The following CSMD1 variants were observed in gnomAD, a reference collection of about 807,000 sequenced individuals.
CSMD1 encodes the protein CUB and sushi domain-containing protein 1.
In CSMD1, 213 loss-of-function variants were observed where a neutral mutation model predicts 417.5. The ratio of observed to expected loss-of-function variants is 0.51; its 90% CI spans 0.46 to 0.57. The LOEUF (loss-of-function observed/expected upper bound fraction) is 0.57. Among genes scored for constraint, CSMD1 ranks in the 20% least tolerant of loss-of-function variants. The pLI, the probability that CSMD1 is intolerant of heterozygous loss-of-function variation, is 0.00. For synonymous variants in CSMD1, 2,862 were observed against 1,736.8 expected, an observed-to-expected ratio of 1.65 and a Z score of -16.11; for missense variants, 6,923 against 4,529.7, an observed-to-expected ratio of 1.53 and a Z score of -15.17.
At chr8:3,747,416 A>ATT (rs33946651) in intron 6 of CSMD1, among the ~76,000 whole-genome samples, 43 of 150,642 alleles carry the variant, frequency 2.9e-4, no homozygotes, top group East Asian at 1.4e-3. Context: ...TAGACACAGT[A>ATT]TTTTTTTTTT....
chr8:3,634,242 G>A (rs964894162), intron 7 of CSMD1, among the ~76,000 whole-genome samples: 1 of 152,180 alleles, frequency 6.6e-6, no homozygotes, highest in African/African-American at 2.4e-5. Flanking sequence ...TAATGGTGGG[G>A]GCCTTTGGCC....
At chr8:4,413,644 C>G (rs1563147742) in intron 3 of CSMD1, among the ~76,000 whole-genome samples, 1 of 152,154 alleles carries the variant, frequency 6.6e-6, no homozygotes, top group Non-Finnish European at 1.5e-5. Flanking sequence ...GCACTGTTGA[C>G]TATACACGCA....
At chr8:4,204,467 G>T (rs541132757) in intron 3 of CSMD1, among the ~76,000 whole-genome samples, 1 of 152,062 alleles carries the variant, frequency 6.6e-6, no homozygotes, top group Non-Finnish European at 1.5e-5. Context: ...CTGAGATTTT[G>T]TCAGCACTTT....
At chr8:4,351,107 C>T (rs1801066604) in intron 3 of CSMD1, among the ~76,000 whole-genome samples, 1 of 151,782 alleles carries the variant, frequency 6.6e-6, no homozygotes. Context: ...TCGCCTGAGC[C>T]CAGGGGTTCG....
In CSMD1 at chr8:3,955,724, A is replaced by G. The variant is rs577521583; in HGVS notation, c.818+42179T>C. Among the ~76,000 whole-genome samples, 8 of 146,292 alleles carry G rather than the reference A, an allele frequency of 5.5e-5. No individual in the cohort carries two copies. In the East Asian group the frequency reaches 1.7e-3, roughly 30 times the overall value. On this transcript the variant is annotated intron_variant, in intron 5 of 69. Transcript: ENST00000635120. ...ACGTGGACACAAAGATTCTTCGAGA[A>G]CTGCCTCAAGTAAGAAAAAAACAGG...
intron 27 of CSMD1, among the ~76,000 whole-genome samples, chr8:3,229,633 GA>G (rs964269120): frequency 6.6e-6 from 1 of 152,048 alleles, no homozygotes; most frequent in Admixed American, 6.6e-5. Flanking sequence ...ATCATAGGGG[GA>G]AAAACATCTA....
intron 1 of CSMD1, among the ~76,000 whole-genome samples, chr8:4,925,069 T>C (rs962315214): frequency 2.2e-4 from 33 of 152,172 alleles, no homozygotes; most frequent in Non-Finnish European, 1.2e-4. Flanking sequence ...TTTGGGTTGT[T>C]ATCAAGCATA....
At chr8:3,615,416 C>T (rs1446702300) in intron 8 of CSMD1, among the ~76,000 whole-genome samples, 1 of 152,142 alleles carries the variant, frequency 6.6e-6, no homozygotes, top group Non-Finnish European at 1.5e-5. Context: ...TCCAATAAAT[C>T]ACTTCAATAA....
intron 7 of CSMD1, among the ~76,000 whole-genome samples, chr8:3,670,784 A>T (rs1293936711): frequency 6.6e-6 from 1 of 150,776 alleles, no homozygotes; most frequent in African/African-American, 2.4e-5. Flanking sequence ...AGTATACGGG[A>T]TATACATGTA....
At chr8:4,115,867 G>A (rs1381085801) in intron 3 of CSMD1, among the ~76,000 whole-genome samples, 1 of 152,132 alleles carries the variant, frequency 6.6e-6, no homozygotes, top group Non-Finnish European at 1.5e-5. Context: ...CCAATCATAT[G>A]ACATTCTGGG....
chr8:3,983,868 C>A (rs1034954815), intron 5 of CSMD1, among the ~76,000 whole-genome samples: 2 of 151,364 alleles, frequency 1.3e-5, no homozygotes, highest in African/African-American at 4.9e-5. Flanking sequence ...CTAGAGCACA[C>A]AGCAGATCTA....
At chr8:3,701,613 C>G (rs1342451502) in intron 7 of CSMD1, among the ~76,000 whole-genome samples, 1 of 151,772 alleles carries the variant, frequency 6.6e-6, no homozygotes, top group African/African-American at 2.4e-5. Context: ...ACAACTAAAA[C>G]TACGAATATT....
At position 4,947,470 on chromosome 8, in the gene CSMD1, G is replaced by A. The variant is rs370902520; in HGVS notation, c.85+46862C>T. 2.6e-4 allele frequency among the ~76,000 whole-genome samples: 40 copies of A among 152,128 alleles called. No homozygotes were observed. In the East Asian group the frequency reaches 6.9e-3, roughly 26 times the overall value. ...CAATATTTGACTTGTCATCTGTCCA[G>A]ATCATCAACAATGAGAAAATGAGAA... On this transcript the variant is annotated intron_variant, in intron 1 of 69. Transcript: ENST00000635120.
At chr8:3,854,328 G>C (rs1282521627) in intron 5 of CSMD1, among the ~76,000 whole-genome samples, 3 of 151,564 alleles carry the variant, frequency 2.0e-5, no homozygotes, top group African/African-American at 7.3e-5. Flanking sequence ...TTTTTATTTT[G>C]TAGTCTTTTT....
chr8:3,964,518 C>G (rs568198464), intron 5 of CSMD1, among the ~76,000 whole-genome samples: 6 of 152,282 alleles, frequency 3.9e-5, no homozygotes, highest in Non-Finnish European at 7.3e-5. Context: ...ACTCCAAGCT[C>G]TCATAGGAAG....
At chr8:4,369,560 T>C (rs951316400) in intron 3 of CSMD1, among the ~76,000 whole-genome samples, 38 of 152,334 alleles carry the variant, frequency 2.5e-4, no homozygotes, top group African/African-American at 8.4e-4. Context: ...CCCAGTATTA[T>C]TGAGTGGTTG....
chr8:4,098,412 T>TC (rs1801136350), intron 3 of CSMD1, among the ~76,000 whole-genome samples: 1 of 149,872 alleles, frequency 6.7e-6, no homozygotes, highest in African/African-American at 2.5e-5. Flanking sequence ...GTCATTTTTT[T>TC]CAGGGTCATG....
rs752350985 is a variant in CSMD1, at chr8:3,108,607, G to A, written c.6750C>T (p.Phe2250=). ...ACGGAGTGAAAATCAACTGACCGTG[G>A]AAATTGAGGACAAAGAAGCCTCCAT... ...FSNGGFFVLN[F]HAFQLKKCQP... is the part of the protein sequence containing the mutation. The change falls in exon 44 of 70, where the codon TTC becomes TTT. Residue 2250 remains phenylalanine, a synonymous_variant. Transcript: ENST00000635120. The A allele has an allele frequency of 4.3e-6, 7 of 1,613,672 alleles. No individual in the cohort carries two copies. The South Asian group carries it at 4.4e-5, about 10-fold the overall frequency.
chr8:3,612,069 ATGT>A (rs1250952402), intron 8 of CSMD1, among the ~76,000 whole-genome samples: 1 of 152,230 alleles, frequency 6.6e-6, no homozygotes, highest in Admixed American at 6.5e-5. Context: ...AATTAAAACA[ATGT>A]TGTGCAACAG....
Sources: gnomAD v4.1 joint callset for allele counts (sites outside exome capture counted in the v4.1 genomes callset) on GRCh38, gnomAD v4.1.1 for gene constraint, MANE v1.5 for transcripts, NCBI Gene and HGNC (gene_info 2026-07-23, HGNC 2026-07-21) for gene names.